The following CADPS2 variants were observed in gnomAD, a reference collection of about 807,000 sequenced individuals.
CADPS2 encodes the protein calcium dependent secretion activator 2.
CADPS2 carries 93 observed loss-of-function variants against 172.5 expected under a neutral mutation model. The observed-to-expected ratio is 0.54, with a 90% CI of 0.46 to 0.64. The LOEUF is 0.64. CADPS2 is among the 30% of genes least tolerant of loss of function. The pLI, the probability that CADPS2 is intolerant of heterozygous loss-of-function variation, is 0.00. For missense variants in CADPS2, 1,420 were observed against 1,565.9 expected (o/e 0.91, Z 1.57); for synonymous variants, 546 against 555.2 (o/e 0.98, Z 0.23).
chr7:122,399,811 C>T (rs1349483024), intron 20 of CADPS2, among the ~76,000 whole-genome samples: 4 of 150,288 alleles, frequency 2.7e-5, no homozygotes, highest in South Asian at 2.1e-4. Context: ...CTCAGCCTCC[C>T]GAGTAGCTGG....
intron 6 of CADPS2, among the ~76,000 whole-genome samples, chr7:122,609,611 C>T (rs1050667059): frequency 6.6e-6 from 1 of 152,128 alleles, no homozygotes; most frequent in Admixed American, 6.6e-5. Flanking sequence ...GTAAATCAAA[C>T]GTGTCTATCA....
At chr7:122,794,924 G>A (rs1415772722) in intron 1 of CADPS2, among the ~76,000 whole-genome samples, 1 of 151,992 alleles carries the variant, frequency 6.6e-6, no homozygotes, top group African/African-American at 2.4e-5. Context: ...AAACTAATGA[G>A]AACAAAGATA....
At chr7:122,833,179 A>T (rs531798615) in intron 1 of CADPS2, among the ~76,000 whole-genome samples, 2 of 152,298 alleles carry the variant, frequency 1.3e-5, no homozygotes, top group South Asian at 4.1e-4. Context: ...TCATGGCAAC[A>T]TGACAGGTGA....
At chr7:122,817,107 C>T (rs1020120036) in intron 1 of CADPS2, among the ~76,000 whole-genome samples, 1 of 152,166 alleles carries the variant, frequency 6.6e-6, no homozygotes, top group Non-Finnish European at 1.5e-5. Flanking sequence ...CGCCTGCACC[C>T]AGGTGAAATA....
chr7:122,747,605 G>A (rs949455173), intron 1 of CADPS2, among the ~76,000 whole-genome samples: 1 of 152,010 alleles, frequency 6.6e-6, no homozygotes, highest in African/African-American at 2.4e-5. Context: ...CTATAAGGTG[G>A]GTTCAATGTT....
At chr7:122,383,316 C>T (rs2043236399) in intron 24 of CADPS2, among the ~76,000 whole-genome samples, 1 of 151,838 alleles carries the variant, frequency 6.6e-6, no homozygotes, top group African/African-American at 2.4e-5. Context: ...GAACAACAGA[C>T]ACTGTGGACT....
chr7:122,325,656 T>G (rs1364638179), intron 28 of CADPS2, 75 bp from the exon 29 acceptor site: 2 of 851,450 alleles, frequency 2.3e-6, no homozygotes, highest in Non-Finnish European at 3.9e-6. Flanking sequence ...ATTTAACAGA[T>G]TCGATAATGA....
chr7:122,807,781 T>A (rs1799110095), intron 1 of CADPS2, among the ~76,000 whole-genome samples: 1 of 151,996 alleles, frequency 6.6e-6, no homozygotes, highest in Non-Finnish European at 1.5e-5. Flanking sequence ...TGGGGGGCAT[T>A]GGGGGAAGGT....
At chr7:122,409,449 T>C (rs536536900) in intron 19 of CADPS2, among the ~76,000 whole-genome samples, 1 of 152,238 alleles carries the variant, frequency 6.6e-6, no homozygotes, top group South Asian at 2.1e-4. Context: ...GGATGAGGAA[T>C]GAAATAAAAT....
At chr7:122,663,636 T>C (rs1295038785) in intron 2 of CADPS2, 67 bp from the exon 3 acceptor site, 1 of 1,180,810 alleles carries the variant, frequency 8.5e-7, no homozygotes. Flanking sequence ...CTAACACCAC[T>C]TGCTTTCAGC....
At chr7:122,823,355 A>T (rs1191212662) in intron 1 of CADPS2, among the ~76,000 whole-genome samples, 2 of 152,180 alleles carry the variant, frequency 1.3e-5, no homozygotes, top group Admixed American at 6.5e-5. Flanking sequence ...TAAATGTAAG[A>T]TATTTAGTGC....
intron 17 of CADPS2, among the ~76,000 whole-genome samples, chr7:122,438,096 A>G (rs1265097787): frequency 6.6e-6 from 1 of 152,236 alleles, no homozygotes; most frequent in Admixed American, 6.5e-5. Context: ...TCAAAACTCA[A>G]AATAAGAACA....
At chr7:122,459,337 A>G (rs2054172404) in intron 14 of CADPS2, among the ~76,000 whole-genome samples, 1 of 151,980 alleles carries the variant, frequency 6.6e-6, no homozygotes. Context: ...ATCTTATACT[A>G]TATATGTTTA....
At chr7:122,407,374 C>G (rs1480070741) in intron 20 of CADPS2, among the ~76,000 whole-genome samples, 166 bp downstream of exon 20, 1 of 152,146 alleles carries the variant, frequency 6.6e-6, no homozygotes, top group Non-Finnish European at 1.5e-5. Context: ...TCTCCCCGGG[C>G]TCCCTTAGTC....
chr7:122,562,003 A>C (rs916108592), intron 7 of CADPS2, among the ~76,000 whole-genome samples: 25 of 152,190 alleles, frequency 1.6e-4, no homozygotes, highest in Non-Finnish European at 3.2e-4. Flanking sequence ...TGAAAAGAGA[A>C]AAAGTCTTGA....
At chr7:122,464,711 A>G (rs1341494728) in intron 14 of CADPS2, among the ~76,000 whole-genome samples, 3 of 152,206 alleles carry the variant, frequency 2.0e-5, no homozygotes, top group Non-Finnish European at 4.4e-5. Flanking sequence ...CATTTGATAA[A>G]ACACTTGACT....
At chr7:122,358,645 T>G (rs1199131986) in intron 27 of CADPS2, among the ~76,000 whole-genome samples, 1 of 152,128 alleles carries the variant, frequency 6.6e-6, no homozygotes, top group Non-Finnish European at 1.5e-5. Context: ...GCCAGCGCTC[T>G]TTTTCTCATG....
rs993935467 is a variant in CADPS2 at position 122,360,845 on chromosome 7, T to C, written c.3472-25A>G. 1.9e-6 allele frequency: 3 copies of C among 1,579,674 alleles called. No homozygotes were observed. In the African/African-American group the frequency reaches 4.0e-5, roughly 21 times the overall value. On this transcript the variant is annotated intron_variant, in intron 26 of 29. Transcript: ENST00000449022. ...CCTTAAGTGTGAAAGAAAGAGATAA[T>C]CATGAGAATTATTTTTTTAACTGCC...
chr7:122,534,550 GAAAT>G (rs997717605), intron 8 of CADPS2, among the ~76,000 whole-genome samples: 20 of 152,024 alleles, frequency 1.3e-4, no homozygotes, highest in Non-Finnish European at 2.8e-4. Context: ...TCTGAGATGA[GAAAT>G]AAATGTCAAA....
Sources: gnomAD v4.1 joint callset for allele counts (sites outside exome capture counted in the v4.1 genomes callset) on GRCh38, gnomAD v4.1.1 for gene constraint, MANE v1.5 for transcripts, NCBI Gene and HGNC (gene_info 2026-07-23, HGNC 2026-07-21) for gene names.